DPF3: variants seen among roughly 807,000 people sequenced by gnomAD.
The protein encoded by DPF3 is zinc finger protein DPF3.
A neutral mutation model predicts 56.8 loss-of-function variants in DPF3; 18 were observed. The ratio of observed to expected loss-of-function variants is 0.32; its 90% confidence interval spans 0.22 to 0.47. The LOEUF is 0.47. Among genes scored for constraint, DPF3 ranks in the 20% least tolerant of loss-of-function variants. The probability of loss-of-function intolerance (pLI) is 1.00; values close to 1 mark genes in which losing one functional copy is unlikely to be tolerated. For missense variants in DPF3, 403 were observed against 488.8 expected, an observed-to-expected ratio of 0.82 and a Z score of 1.65; for synonymous variants, 188 against 180.2, an observed-to-expected ratio of 1.04 and a Z score of -0.35.
At chr14:72,859,492 C>T (rs1885306249) in intron 1 of DPF3, among the ~76,000 whole-genome samples, 1 of 123,244 alleles carries the variant, frequency 8.1e-6, no homozygotes, top group African/African-American at 3.0e-5. Context: ...CCACACCATT[C>T]CCCCCTAACC....
intron 1 of DPF3, among the ~76,000 whole-genome samples, chr14:72,888,337 TCTAATG>T (rs945119777): frequency 2.0e-5 from 3 of 152,154 alleles, no homozygotes; most frequent in African/African-American, 7.2e-5. Context: ...CTTTTAAAAC[TCTAATG>T]CAAATCACAG....
At chr14:72,770,633 G>A (rs984547292) in intron 2 of DPF3, among the ~76,000 whole-genome samples, 3 of 152,234 alleles carry the variant, frequency 2.0e-5, no homozygotes, top group South Asian at 4.1e-4. Context: ...AGTAAGGAGT[G>A]CGTATAGATG....
At chr14:72,643,792 C>T (rs1885632442) in intron 8 of DPF3, among the ~76,000 whole-genome samples, 1 of 152,238 alleles carries the variant, frequency 6.6e-6, no homozygotes, top group Non-Finnish European at 1.5e-5. Context: ...CTCCATTACA[C>T]TGTCAGTCAA....
chr14:72,797,971 C>G (rs1312300633), intron 1 of DPF3, among the ~76,000 whole-genome samples: 1 of 152,126 alleles, frequency 6.6e-6, no homozygotes, highest in African/African-American at 2.4e-5. Flanking sequence ...GATTCTACTT[C>G]CAGCCAGGCT....
intron 1 of DPF3, chr14:72,892,028 C>T (rs1211871275): frequency 3.7e-6 from 4 of 1,073,638 alleles, no homozygotes; most frequent in East Asian, 8.1e-5. Context: ...ACGCACCCTA[C>T]TGTGATCCAA....
intron 1 of DPF3, among the ~76,000 whole-genome samples, chr14:72,819,104 C>T (rs1883417241): frequency 6.6e-6 from 1 of 152,200 alleles, no homozygotes; most frequent in Non-Finnish European, 1.5e-5. Flanking sequence ...ATATGCTCAG[C>T]ATCATCAGTC....
intron 1 of DPF3, among the ~76,000 whole-genome samples, chr14:72,828,863 G>A (rs1182376620): frequency 6.6e-6 from 1 of 152,212 alleles, no homozygotes; most frequent in Admixed American, 6.5e-5. Context: ...GATGGAGAAA[G>A]CACTGGACTG....
chr14:72,695,547 T>C (rs1887865177), intron 6 of DPF3, among the ~76,000 whole-genome samples: 1 of 152,212 alleles, frequency 6.6e-6, no homozygotes, highest in Non-Finnish European at 1.5e-5. Context: ...TCTGCATTAA[T>C]TCACTTAGGA....
At chr14:72,654,434 C>T (rs1025243880) in intron 8 of DPF3, among the ~76,000 whole-genome samples, 6 of 152,218 alleles carry the variant, frequency 3.9e-5, no homozygotes, top group Admixed American at 3.9e-4. Context: ...CAAGTTGGCA[C>T]TTAATTTTAA....
intron 1 of DPF3, among the ~76,000 whole-genome samples, chr14:72,889,300 G>A (rs527386435): frequency 1.6e-4 from 24 of 152,236 alleles, no homozygotes; most frequent in Non-Finnish European, 2.6e-4. Context: ...TCCATCATAG[G>A]TGTCTCATCA....
Position 72,613,268 on chromosome 14 carries a change from G to A in DPF3, c.*6029C>T, listed in dbSNP as rs45470093. 0.3 allele frequency among the ~76,000 whole-genome samples: 45,109 copies of A among 151,952 alleles called. 8,074 individuals are homozygous for A. The highest frequency in any genetic ancestry group is 0.68 in the East Asian group (3,511 of 5,150). ...ACAAGGCCCACTTACCTGCCCTCCC[G>A]TCCCCACCATGGCCGCGTTTATTTG... On this transcript the variant is annotated 3_prime_UTR_variant, in exon 11 of 11. Transcript: ENST00000556509.
intron 1 of DPF3, chr14:72,892,700 T>C: frequency 9.9e-7 from 1 of 1,014,996 alleles, no homozygotes. Context: ...CCAGGGAGAA[T>C]TCGGCATGAA....
intron 6 of DPF3, among the ~76,000 whole-genome samples, chr14:72,696,365 G>A (rs1029079138): frequency 2.0e-5 from 3 of 152,184 alleles, no homozygotes; most frequent in Non-Finnish European, 2.9e-5. Flanking sequence ...CAACTCCATT[G>A]ATAGGGAACT....
At chr14:72,732,420 G>A (rs1358788497) in intron 3 of DPF3, among the ~76,000 whole-genome samples, 1 of 152,206 alleles carries the variant, frequency 6.6e-6, no homozygotes, top group Non-Finnish European at 1.5e-5. Context: ...GCTCTTGTCT[G>A]TCAACCCCAT....
chr14:72,822,171 A>T (rs1883579187), intron 1 of DPF3, among the ~76,000 whole-genome samples: 1 of 152,158 alleles, frequency 6.6e-6, no homozygotes, highest in Admixed American at 6.5e-5. Flanking sequence ...TGAGATCAGG[A>T]GTTCAAGATC....
At chr14:72,827,042 CAAA>C (rs59956156) in intron 1 of DPF3, among the ~76,000 whole-genome samples, 130 of 137,822 alleles carry the variant, frequency 9.4e-4, no homozygotes, top group East Asian at 1.3e-3. Flanking sequence ...AACTCCATCT[CAAA>C]AAAAAAAAAA....
chr14:72,820,303 G>T (rs1485339436), intron 1 of DPF3, among the ~76,000 whole-genome samples: 3 of 152,080 alleles, frequency 2.0e-5, no homozygotes, highest in African/African-American at 7.2e-5. Context: ...CAGGCAAATG[G>T]CCAAAAGACA....
chr14:72,619,120 C>T lies in DPF3; in HGVS notation c.*177G>A, dbSNP rs1043451914. 2.0e-5 allele frequency among the ~76,000 whole-genome samples: 3 copies of T among 152,214 alleles called. No homozygotes were observed. Among genetic ancestry groups the T allele is most frequent in the Non-Finnish European group, 4.4e-5 (3 of 68,032 alleles). Reference sequence around the variant, plus strand: ...GTGCTGGCTGAAGTTCCGTACATATCGGGGGAGGTCAGGAGATGCCTCACC... The same window carrying T: ...GTGCTGGCTGAAGTTCCGTACATATTGGGGGAGGTCAGGAGATGCCTCACC... On this transcript the variant is annotated 3_prime_UTR_variant, in exon 11 of 11. Coordinates refer to ENST00000556509, the MANE Select transcript of DPF3 (RefSeq NM_001280542.3).
chr14:72,693,778 T>G (rs1402932787), intron 6 of DPF3, among the ~76,000 whole-genome samples: 1 of 152,162 alleles, frequency 6.6e-6, no homozygotes, highest in African/African-American at 2.4e-5. Flanking sequence ...GTCTCCTGGG[T>G]TCCTGTGCAC....
Sources: gnomAD v4.1 joint callset for allele counts (sites outside exome capture counted in the v4.1 genomes callset) on GRCh38, gnomAD v4.1.1 for gene constraint, MANE v1.5 for transcripts, NCBI Gene and HGNC (gene_info 2026-07-23, HGNC 2026-07-21) for gene names.